Variants in ERBB4 observed in about 807,000 individuals in gnomAD.
ERBB4 encodes receptor tyrosine-protein kinase erbB-4.
In ERBB4, 42 loss-of-function variants were observed where a neutral mutation model predicts 158.0. That is an observed-to-expected ratio of 0.27 (90% CI 0.21 to 0.34). The LOEUF is 0.34. ERBB4 is among the 10% of genes least tolerant of loss of function. The pLI is 1.00. For synonymous variants in ERBB4, 583 were observed against 558.7 expected, an observed-to-expected ratio of 1.04 and a Z score of -0.61; for missense variants, 1,333 against 1,624.1, an observed-to-expected ratio of 0.82 and a Z score of 3.08.
intron 1 of ERBB4, among the ~76,000 whole-genome samples, chr2:212,284,472 C>T (rs186423047): frequency 6.6e-6 from 1 of 152,076 alleles, no homozygotes; most frequent in South Asian, 2.1e-4. Context: ...TAAGCAGTCA[C>T]CTATTAGACT....
intron 3 of ERBB4, among the ~76,000 whole-genome samples, chr2:211,911,826 T>C (rs998932996): frequency 6.6e-6 from 1 of 151,464 alleles, no homozygotes; most frequent in Non-Finnish European, 1.5e-5. Context: ...CTTTTCTTTT[T>C]TTTTTTTTTG....
At chr2:211,458,896 GA>G (rs950137570) in intron 20 of ERBB4, among the ~76,000 whole-genome samples, 2 of 152,098 alleles carry the variant, frequency 1.3e-5, no homozygotes, top group Admixed American at 1.3e-4. Context: ...AGCTCTTTAA[GA>G]AAGGTGTAAA....
chr2:212,182,608 A>G (rs1399510448), intron 1 of ERBB4, among the ~76,000 whole-genome samples: 1 of 151,796 alleles, frequency 6.6e-6, no homozygotes, highest in East Asian at 1.9e-4. Flanking sequence ...ATTTTATTTC[A>G]GTGGTGTCTT....
intron 1 of ERBB4, among the ~76,000 whole-genome samples, chr2:212,319,312 G>A (rs530803214): frequency 7.2e-6 from 1 of 138,806 alleles, no homozygotes; most frequent in Admixed American, 7.0e-5. Context: ...AGTTTTAAAC[G>A]TCCTCAGACA....
intron 12 of ERBB4, among the ~76,000 whole-genome samples, chr2:211,690,268 C>T (rs1053039668): frequency 5.3e-5 from 8 of 151,942 alleles, no homozygotes; most frequent in African/African-American, 1.2e-4. Flanking sequence ...TACCATATCA[C>T]GTTATTTACT....
At chr2:211,969,732 C>G (rs2081399614) in intron 2 of ERBB4, among the ~76,000 whole-genome samples, 1 of 151,960 alleles carries the variant, frequency 6.6e-6, no homozygotes, top group African/African-American at 2.4e-5. Context: ...TCTGTGGGGT[C>G]AGTGGTAATA....
Position 212,482,090 on chromosome 2 carries a change from T to G in ERBB4, c.82+56359A>C, listed in dbSNP as rs1364244049. ...AGTTTAGGTACATTTCTTTGAACATTTAGAGTAAATTTCAAACTGTGTTGA... is the reference window on the plus strand; with the variant it reads ...AGTTTAGGTACATTTCTTTGAACATGTAGAGTAAATTTCAAACTGTGTTGA... On this transcript the variant is annotated intron_variant, in intron 1 of 27. Coordinates refer to ENST00000342788, the MANE Select transcript of ERBB4 (RefSeq NM_005235.3). Among the ~76,000 whole-genome samples, 3 of 152,174 alleles carry G rather than the reference T, an allele frequency of 2.0e-5. No homozygotes were observed. In the South Asian group the frequency reaches 6.2e-4, roughly 31 times the overall value.
chr2:211,821,413 A>T (rs1483670560), intron 3 of ERBB4, among the ~76,000 whole-genome samples: 1 of 151,964 alleles, frequency 6.6e-6, no homozygotes, highest in Non-Finnish European at 1.5e-5. Flanking sequence ...CATGAATCAG[A>T]ATAATTAATA....
At chr2:212,240,581 C>T (rs1008371647) in intron 1 of ERBB4, among the ~76,000 whole-genome samples, 4 of 132,102 alleles carry the variant, frequency 3.0e-5, no homozygotes, top group East Asian at 2.3e-4. Flanking sequence ...TGCAGTCAGC[C>T]GAGCCGAGAT....
rs555672024 is a variant in ERBB4, at chr2:212,446,365, G to A, written c.82+92084C>T. On this transcript the variant is annotated intron_variant, in intron 1 of 27. Coordinates refer to ENST00000342788, the MANE Select transcript of ERBB4 (RefSeq NM_005235.3). ...GTGGGCACAATCTCATCAGCTGCCA[G>A]CAAATATAAAGCAGGCAGAAAAACG... is the stretch of plus-strand genomic sequence containing the variant. Among the ~76,000 whole-genome samples, 211 of 151,356 alleles carry A rather than the reference G, an allele frequency of 1.4e-3. 1 individual carries two copies. Among genetic ancestry groups the A allele is most frequent in the African/African-American group, 4.9e-3 (202 of 41,238 alleles).
At chr2:212,038,814 G>A (rs10170065) in intron 2 of ERBB4, among the ~76,000 whole-genome samples, 137,837 of 152,120 alleles carry the variant, frequency 0.91, 63,890 homozygotes, top group East Asian at 1. Context: ...AGTTATGTAA[G>A]GAAATGCCTT....
At chr2:211,653,010 C>A (rs1209241952) in intron 16 of ERBB4, among the ~76,000 whole-genome samples, 3 of 151,908 alleles carry the variant, frequency 2.0e-5, no homozygotes, top group Non-Finnish European at 2.9e-5. Flanking sequence ...GACAAAGAAT[C>A]TAAAATGGAT....
In ERBB4 at chr2:211,658,662, A is replaced by G. The variant is rs142008920; in HGVS notation, c.1872-834T>C. ...TTAAAATAGCAATGCCATAACAGGT[A>G]AACAAAAACAAGTTTTTAAACTACC... On this transcript the variant is annotated intron_variant, in intron 15 of 27. Coordinates refer to ENST00000342788, the MANE Select transcript of ERBB4 (RefSeq NM_005235.3). Among the ~76,000 whole-genome samples, 563 of 152,318 alleles carry G rather than the reference A, an allele frequency of 3.7e-3. 7 individuals carry two copies. The South Asian group carries it at 0.041, about 11-fold the overall frequency.
rs553029591 is a variant in ERBB4, at chr2:211,478,403, T to C, written c.2488-47303A>G. 6.6e-5 allele frequency among the ~76,000 whole-genome samples: 10 copies of C among 152,306 alleles called. No individual in the cohort carries two copies. The East Asian group carries it at 1.7e-3, about 26-fold the overall frequency. On this transcript the variant is annotated intron_variant, in intron 20 of 27. Transcript: ENST00000342788. ...GTTTCCAGATATATGTTGCCTTGAA[T>C]GTCATGAGTACCTAAAATCGTGTGT...
At chr2:212,023,079 T>C (rs2076692831) in intron 2 of ERBB4, among the ~76,000 whole-genome samples, 1 of 152,108 alleles carries the variant, frequency 6.6e-6, no homozygotes, top group South Asian at 2.1e-4. Flanking sequence ...AAGATCTCTG[T>C]CATGGAATAT....
rs557952855 is a variant in ERBB4, at chr2:212,060,220, G to C, written c.234+64532C>G. Among the ~76,000 whole-genome samples the C allele has an allele frequency of 8.7e-4, 133 of 152,170 alleles. 1 individual carries two copies. The highest frequency in any genetic ancestry group is 3.0e-3 in the African/African-American group (123 of 41,528). On this transcript the variant is annotated intron_variant, in intron 2 of 27. Transcript: ENST00000342788. ...GACACATGAAAAAAATGCTCATCAT[G>C]ACTGGCCATCAGAGAAATGCAAATC...
intron 2 of ERBB4, among the ~76,000 whole-genome samples, chr2:212,122,045 T>TTATA (rs34626056): frequency 4.7e-5 from 7 of 148,776 alleles, no homozygotes; most frequent in Admixed American, 1.3e-4. Flanking sequence ...TATTTTATAT[T>TTATA]TATATATATA....
intron 2 of ERBB4, among the ~76,000 whole-genome samples, chr2:211,950,154 AC>A (rs1429429151): frequency 6.6e-6 from 1 of 152,016 alleles, no homozygotes; most frequent in African/African-American, 2.4e-5. Flanking sequence ...TTTGCAAATA[AC>A]CCCAAGTCTT....
chr2:212,164,645 A>T (rs72939845), intron 1 of ERBB4, among the ~76,000 whole-genome samples: 16,997 of 152,062 alleles, frequency 0.11, 1,111 homozygotes, highest in Non-Finnish European at 0.15. Context: ...CTATCTATCC[A>T]TCAGATAGGT....
Sources: allele counts gnomAD v4.1 joint callset (sites outside exome capture counted in the v4.1 genomes callset), GRCh38; gene constraint gnomAD v4.1.1; transcripts MANE v1.5; gene names NCBI Gene and HGNC (gene_info 2026-07-23, HGNC 2026-07-21).